Variants in GALNT1 observed in about 807,000 individuals in gnomAD.
The protein encoded by GALNT1 is polypeptide N-acetylgalactosaminyltransferase 1, also known as GalNAc transferase 1.
In GALNT1, 17 loss-of-function variants were observed where a neutral mutation model predicts 65.7. The ratio of observed to expected loss-of-function variants is 0.26; its 90% CI spans 0.18 to 0.39. The LOEUF is 0.39. Ranked by LOEUF, GALNT1 falls within the 10% of genes least tolerant of loss-of-function variation. The pLI, the probability that GALNT1 is intolerant of heterozygous loss-of-function variation, is 1.00. For synonymous variants in GALNT1, 210 were observed against 219.7 expected (o/e 0.96, Z 0.39); for missense variants, 460 against 672.8 (o/e 0.68, Z 3.50).
chr18:35,669,653 A>G (rs561714947), intron 3 of GALNT1, among the ~76,000 whole-genome samples: 30 of 152,324 alleles, frequency 2.0e-4, no homozygotes, highest in African/African-American at 7.2e-4. Flanking sequence ...ACCCCTTAGC[A>G]AACTAGAATA....
intron 11 of GALNT1, among the ~76,000 whole-genome samples, chr18:35,706,716 T>A (rs2048268163): frequency 6.6e-6 from 1 of 151,984 alleles, no homozygotes; most frequent in South Asian, 2.1e-4. Flanking sequence ...AATACCTCCC[T>A]CTCCCTGGGC....
intron 3 of GALNT1, among the ~76,000 whole-genome samples, chr18:35,668,438 G>A (rs2047579855): frequency 6.6e-6 from 1 of 151,960 alleles, no homozygotes; most frequent in Non-Finnish European, 1.5e-5. Context: ...AAGTTCTTTG[G>A]AAAAAAATCA....
In GALNT1 at chr18:35,616,744, C is replaced by T. The variant is rs190716836; in HGVS notation, c.-104+34882C>T. On this transcript the variant is annotated intron_variant, in intron 1 of 11. Coordinates refer to ENST00000269195, the MANE Select transcript of GALNT1 (RefSeq NM_020474.4). Reference sequence around the variant, plus strand: ...AATCTTTCTCTGTGGCAGTTAGCATCGTCTCAGACTCCTTTTTCAGAGCTC... The same window carrying T: ...AATCTTTCTCTGTGGCAGTTAGCATTGTCTCAGACTCCTTTTTCAGAGCTC... 2.2e-4 allele frequency among the ~76,000 whole-genome samples: 34 copies of T among 152,172 alleles called. No individual in the cohort carries two copies. In the East Asian group the frequency reaches 4.3e-3, roughly 19 times the overall value.
chr18:35,584,989 G>A (rs971823256), intron 1 of GALNT1, among the ~76,000 whole-genome samples: 1 of 152,212 alleles, frequency 6.6e-6, no homozygotes, highest in African/African-American at 2.4e-5. Flanking sequence ...ATAACTGGGG[G>A]TGGATAGCAT....
At chr18:35,587,047 ATGTTTTGT>A in intron 1 of GALNT1, among the ~76,000 whole-genome samples, 1 of 152,126 alleles carries the variant, frequency 6.6e-6, no homozygotes, top group Non-Finnish European at 1.5e-5. Context: ...TCCTGTACAT[ATGTTTTGT>A]TAGTTTTTAT....
chr18:35,606,579 T>A (rs1326670486), intron 1 of GALNT1, among the ~76,000 whole-genome samples: 1 of 152,154 alleles, frequency 6.6e-6, no homozygotes, highest in African/African-American at 2.4e-5. Context: ...GATCCCAAAT[T>A]CTTTCTGGGA....
intron 1 of GALNT1, among the ~76,000 whole-genome samples, chr18:35,610,716 G>T (rs974021362): frequency 1.3e-5 from 2 of 152,004 alleles, no homozygotes; most frequent in Non-Finnish European, 2.9e-5. Context: ...AGATAACCTA[G>T]ACATTTAAAA....
At chr18:35,686,309 T>C (rs1045388986) in intron 5 of GALNT1, among the ~76,000 whole-genome samples, 7 of 152,218 alleles carry the variant, frequency 4.6e-5, no homozygotes, top group South Asian at 2.1e-4. Context: ...GCATTTCCAA[T>C]TGAAATCTCC....
At chr18:35,663,521 GTTCT>G in intron 2 of GALNT1, 103 bp from the exon 3 acceptor site, 2 of 1,174,278 alleles carry the variant, frequency 1.7e-6, no homozygotes, top group Non-Finnish European at 2.4e-6. Flanking sequence ...CTCAGAAAGG[GTTCT>G]GGTTGTTGAG....
rs1458061913 is a variant in GALNT1, at chr18:35,711,831, A to C, written c.*2061A>C. ...ACTTTGAAAATACAAAATATTCCTG[A>C]ATAGTTGTGCCTTACATTGGTTTTA... is the stretch of plus-strand genomic sequence containing the variant. On this transcript the variant is annotated 3_prime_UTR_variant, in exon 12 of 12. Transcript: ENST00000269195. 2.0e-5 allele frequency: 3 copies of C among 152,226 alleles called. No homozygotes were observed. The highest frequency in any genetic ancestry group is 4.4e-5 in the Non-Finnish European group (3 of 68,042). The allele number at this position is 152,226 out of a possible 1,614,324, so 9.4% of individuals were successfully genotyped here.
At chr18:35,644,437 C>T (rs1055410169) in intron 1 of GALNT1, among the ~76,000 whole-genome samples, 1 of 152,164 alleles carries the variant, frequency 6.6e-6, no homozygotes, top group Non-Finnish European at 1.5e-5. Flanking sequence ...TTGAAGCCTA[C>T]GAGACTGGAG....
intron 9 of GALNT1, among the ~76,000 whole-genome samples, chr18:35,693,947 T>C (rs1264129271): frequency 1.3e-5 from 2 of 152,034 alleles, no homozygotes; most frequent in South Asian, 2.1e-4. Context: ...GCAAAAAAGA[T>C]TGAGAAGGAG....
chr18:35,659,700 A>G (rs888718599), intron 2 of GALNT1, among the ~76,000 whole-genome samples: 4 of 152,206 alleles, frequency 2.6e-5, no homozygotes, highest in African/African-American at 9.7e-5. Flanking sequence ...CTTTTCATGT[A>G]CTTATGCTGG....
chr18:35,666,138 A>G (rs2047546607), intron 3 of GALNT1, among the ~76,000 whole-genome samples: 1 of 152,240 alleles, frequency 6.6e-6, no homozygotes, highest in Non-Finnish European at 1.5e-5. Flanking sequence ...GGATTGAAAT[A>G]CATAGAAAAC....
intron 9 of GALNT1, among the ~76,000 whole-genome samples, chr18:35,697,034 A>G (rs1441631329): frequency 6.6e-6 from 1 of 152,194 alleles, no homozygotes; most frequent in African/African-American, 2.4e-5. Flanking sequence ...AATTATTTTC[A>G]ATTCCTAATG....
At chr18:35,650,109 A>G (rs2047290035) in intron 1 of GALNT1, among the ~76,000 whole-genome samples, 1 of 152,164 alleles carries the variant, frequency 6.6e-6, no homozygotes, top group African/African-American at 2.4e-5. Flanking sequence ...CCTGATATTC[A>G]TGTGGGCCCT....
At chr18:35,636,747 G>A (rs1029109161) in intron 1 of GALNT1, among the ~76,000 whole-genome samples, 2 of 116,452 alleles carry the variant, frequency 1.7e-5, no homozygotes, top group Non-Finnish European at 3.6e-5. Context: ...CCATGTTATT[G>A]TACTTTGTTT....
rs745689841 is a variant in GALNT1 at position 35,654,760 on chromosome 18, A to G, written c.98A>G (p.Lys33Arg). 6.4e-7 allele frequency: 1 copy of G among 1,569,640 alleles called. No homozygotes were observed. The highest frequency in any genetic ancestry group is 8.7e-7 in the Non-Finnish European group (1 of 1,155,266). Residue 33 changes from lysine to arginine, a missense_variant, in exon 2 of 12, where the codon AAA becomes AGA. Coordinates refer to ENST00000269195, the MANE Select transcript of GALNT1 (RefSeq NM_020474.4). ...FLLLYFSECN[K>R]CDEKKERGLP... is the part of the protein sequence containing the mutation. ...CTGCTTTACTTCAGTGAATGCAACA[A>G]ATGTGATGAAAAAAAGGAGAGAGGA...
At chr18:35,594,223 G>A (rs1280146745) in intron 1 of GALNT1, among the ~76,000 whole-genome samples, 1 of 152,070 alleles carries the variant, frequency 6.6e-6, no homozygotes, top group Non-Finnish European at 1.5e-5. Flanking sequence ...GTGGAGCAAG[G>A]CTTCTAAGGC....
Sources: allele counts gnomAD v4.1 joint callset (sites outside exome capture counted in the v4.1 genomes callset), GRCh38; gene constraint gnomAD v4.1.1; transcripts MANE v1.5; gene names NCBI Gene and HGNC (gene_info 2026-07-23, HGNC 2026-07-21).